The following NECTIN4 variants were observed in gnomAD, a reference collection of about 807,000 sequenced individuals.
NECTIN4 encodes nectin-4.
In NECTIN4, 19 loss-of-function variants were observed where a neutral mutation model predicts 51.7. That is an observed-to-expected ratio of 0.37 (90% confidence interval 0.26 to 0.54). The LOEUF is 0.54. Ranked by LOEUF, NECTIN4 falls within the 20% of genes least tolerant of loss-of-function variation. The pLI, the probability that NECTIN4 is intolerant of heterozygous loss-of-function variation, is 0.86. For missense variants in NECTIN4, 619 were observed against 662.4 expected, an observed-to-expected ratio of 0.93 and a Z score of 0.72; for synonymous variants, 283 against 286.9, an observed-to-expected ratio of 0.99 and a Z score of 0.14.
chr1:161,084,976 T>G (rs1254728305), intron 1 of NECTIN4: 1 of 149,480 alleles, frequency 6.7e-6, no homozygotes, highest in African/African-American at 2.5e-5. Flanking sequence ...TGGGTGAGTC[T>G]GGGGTGAGAA....
intron 1 of NECTIN4, among the ~76,000 whole-genome samples, chr1:161,088,837 G>T (rs2101684486): frequency 6.6e-6 from 1 of 152,246 alleles, no homozygotes; most frequent in East Asian, 1.9e-4. Context: ...CAGAGCCCAG[G>T]GGGTAGGCCA....
Position 161,089,413 on chromosome 1 carries a change from TC to T in NECTIN4, c.-118del. ...GGCAGGAAGCTGCAGAGTTCTTGCC[TC>T]TCGCACTTGGGTCTCCACTAGGGGA... On this transcript the variant is annotated 5_prime_UTR_variant, in exon 1 of 9. Coordinates refer to ENST00000368012, the MANE Select transcript of NECTIN4 (RefSeq NM_030916.3). The surrounding 1 kb of genome is among the most constrained non-coding windows in gnomAD (Gnocchi z 4.1). The T allele has an allele frequency of 1.0e-6, 1 of 968,990 alleles. No homozygotes were observed. The highest frequency in any genetic ancestry group is 1.6e-6 in the Non-Finnish European group (1 of 625,658). 60.0% of individuals were successfully genotyped at this position (968,990 alleles called of 1,614,324 possible). A position where few individuals can be genotyped will look rare whatever the true frequency, so the allele number is the denominator to read the frequency against.
chr1:161,072,960 T>C, intron 8 of NECTIN4, 75 bp from the exon 9 acceptor site: 3 of 1,441,288 alleles, frequency 2.1e-6, no homozygotes, highest in South Asian at 1.2e-5. Flanking sequence ...GGCTGGGTCA[T>C]GGTGGGATCA....
At position 161,074,742 on chromosome 1, in the gene NECTIN4, G is replaced by A. The variant is rs1192421955; in HGVS notation, c.869C>T (p.Pro290Leu). 2 of 1,613,796 alleles carry A rather than the reference G, an allele frequency of 1.2e-6. No individual in the cohort carries two copies. Among genetic ancestry groups the A allele is most frequent in the Non-Finnish European group, 8.5e-7 (1 of 1,180,022 alleles). ...GTCCCCATCCACTCGTACCCCACTG[G>A]GCAGAGGCCCATCCAGCCTGGAAGA... ...YNWTRLDGPL[P>L]SGVRVDGDTL... The change falls in exon 5 of 9, where the codon CCC (proline) becomes CTC (leucine). Residue 290 changes from proline (P) to leucine (L), a missense_variant. By Grantham distance (98) the Pro-to-Leu change is moderately conservative (BLOSUM62 -3). This residue lies in a region of NECTIN4 where 364 missense variants were observed against 415.7 expected (regional missense o/e 0.88). Transcript: ENST00000368012.
Position 161,079,507 on chromosome 1 carries a change from G to T in NECTIN4, c.439+83C>A, listed in dbSNP as rs946045681. 3.9e-6 allele frequency: 6 copies of T among 1,546,924 alleles called. No homozygotes were observed. The African/African-American group carries it at 8.1e-5, about 21-fold the overall frequency. ...CACTTTTTATTCCTGTTCTACCTCT[G>T]CCCCATCCATCTCTGCAGTCCCCAT... On this transcript the variant is annotated intron_variant, in intron 2 of 8. Transcript: ENST00000368012.
chr1:161,073,282 C>A lies in NECTIN4; in HGVS notation c.1251G>T (p.Gly417=), dbSNP rs927292524. The A allele has an allele frequency of 1.2e-6, 2 of 1,613,966 alleles. No individual in the cohort carries two copies. Among genetic ancestry groups the A allele is most frequent in the African/African-American group, 1.3e-5 (1 of 74,902 alleles). The stretch of plus-strand genomic sequence containing the variant: ...TATCAGGGTGGCCCTCGGCTCTCAG[C>A]CCTACACTCTCCTCCGGCTGCAGGG... ...DPRSQPEESV[G]LRAEGHPDSL... Residue 417 remains glycine (G), a synonymous_variant, in exon 8 of 9, where the codon GGG becomes GGT. Transcript: ENST00000368012.
intron 1 of NECTIN4, among the ~76,000 whole-genome samples, chr1:161,085,643 G>GCCTT (rs1484384672): frequency 6.6e-6 from 1 of 151,700 alleles, no homozygotes; most frequent in Non-Finnish European, 1.5e-5. Flanking sequence ...CTTCTCCACG[G>GCCTT]CCTTCCTTTA....
chr1:161,080,034 G>A (rs2101668114), intron 1 of NECTIN4, 85 bp from the exon 2 acceptor site: 1 of 1,485,388 alleles, frequency 6.7e-7, no homozygotes, highest in Non-Finnish European at 9.0e-7. Flanking sequence ...GACAGCAAAG[G>A]TGACCGGAAC....
intron 1 of NECTIN4, among the ~76,000 whole-genome samples, chr1:161,081,287 T>C (rs2101670065): frequency 6.6e-6 from 1 of 150,968 alleles, no homozygotes; most frequent in Middle Eastern, 3.4e-3. Context: ...GGGAGTGCCA[T>C]GAGCAAGTGG....
Position 161,072,575 on chromosome 1 carries a change from G to C in NECTIN4, c.*86C>G. ...GGGGAGCATCTTCCGCAAGAAATGG[G>C]GGTGTTTAAGGAGGCCCCCAAGATG... On this transcript the variant is annotated 3_prime_UTR_variant, in exon 9 of 9. Coordinates refer to ENST00000368012, the MANE Select transcript of NECTIN4 (RefSeq NM_030916.3). 1 of 1,084,178 alleles carries C rather than the reference G, an allele frequency of 9.2e-7. No individual in the cohort carries two copies. The highest frequency in any genetic ancestry group is 1.4e-6 in the Non-Finnish European group (1 of 698,544). 67.2% of individuals were successfully genotyped at this position (1,084,178 alleles called of 1,614,324 possible).
rs1176898504 is a variant in NECTIN4 at position 161,072,794 on chromosome 1, C to T, written c.1400G>A (p.Arg467Gln). 17 of 1,614,128 alleles carry T rather than the reference C, an allele frequency of 1.1e-5. No homozygotes were observed. Among genetic ancestry groups the T allele is most frequent in the African/African-American group, 4.0e-5 (3 of 74,946 alleles). The change falls in exon 9 of 9, where the codon CGG (arginine) becomes CAG (glutamine). Residue 467 changes from arginine (R) to glutamine (Q), a missense_variant. Arg to Gln is a conservative substitution (Grantham distance 43). Coordinates refer to ENST00000368012, the MANE Select transcript of NECTIN4 (RefSeq NM_030916.3). ...ATCCTGATCTTCCTCCTCCTCGGCC[C>T]GCCCAGAGCCTGGAGACAGCAGTTC... ...QTELLSPGSG[R>Q]AEEEEDQDEG...
intron 1 of NECTIN4, among the ~76,000 whole-genome samples, chr1:161,081,951 T>G (rs891048400): frequency 6.6e-6 from 1 of 152,104 alleles, no homozygotes; most frequent in East Asian, 1.9e-4. Context: ...CTCAGTGGTA[T>G]GTGGGTTCCG....
chr1:161,073,686 C>T (rs551223831), intron 7 of NECTIN4, 34 bp downstream of exon 7: 5 of 1,577,256 alleles, frequency 3.2e-6, no homozygotes, highest in South Asian at 2.2e-5. Context: ...TGCGACCACA[C>T]CCCTGCATGC....
chr1:161,084,999 G>C (rs975956186), intron 1 of NECTIN4: 2 of 151,228 alleles, frequency 1.3e-5, no homozygotes, highest in Admixed American at 1.3e-4. Flanking sequence ...GACCTAGGAG[G>C]GACGCACCGA....
intron 1 of NECTIN4, among the ~76,000 whole-genome samples, chr1:161,085,345 A>AC (rs1457708212): frequency 6.6e-6 from 1 of 150,848 alleles, no homozygotes. Flanking sequence ...AGTCCCCTAA[A>AC]CCCCCCGGAG....
chr1:161,081,084 G>T (rs1478864172), intron 1 of NECTIN4, among the ~76,000 whole-genome samples: 1 of 152,206 alleles, frequency 6.6e-6, no homozygotes, highest in Non-Finnish European at 1.5e-5. Flanking sequence ...AAACACCAAG[G>T]AGATGGAGAA....
chr1:161,084,061 G>A (rs1386870234), intron 1 of NECTIN4, among the ~76,000 whole-genome samples: 1 of 152,248 alleles, frequency 6.6e-6, no homozygotes, highest in Non-Finnish European at 1.5e-5. Context: ...AGGTGGGTCT[G>A]TGAGAAGGAG....
chr1:161,074,138 T>C, intron 6 of NECTIN4, 79 bp downstream of exon 6: 1 of 1,580,368 alleles, frequency 6.3e-7, no homozygotes, highest in African/African-American at 1.3e-5. Flanking sequence ...CCCAGTCTCC[T>C]CGGTCCTGGC....
intron 1 of NECTIN4, among the ~76,000 whole-genome samples, chr1:161,084,086 T>C (rs1653817952): frequency 2.0e-5 from 3 of 152,238 alleles, no homozygotes; most frequent in Admixed American, 1.3e-4. Context: ...GGAGTAAGTA[T>C]GAGTTTTTTG....
Sources: gnomAD v4.1 joint callset for allele counts (sites outside exome capture counted in the v4.1 genomes callset) on GRCh38, gnomAD v4.1.1 for gene constraint, gnomAD v4.1.1 regional missense constraint, Gnocchi (gnomAD v3.1) non-coding constraint, MANE v1.5 for transcripts, NCBI Gene and HGNC (gene_info 2026-07-23, HGNC 2026-07-21) for gene names.